The following CSMD1 variants were observed in gnomAD, a reference collection of about 807,000 sequenced individuals.
The protein encoded by CSMD1 is CUB and Sushi multiple domains 1.
Under a neutral mutation model 417.5 loss-of-function variants are expected in CSMD1, and 213 were observed. The observed-to-expected ratio is 0.51, with a 90% CI of 0.46 to 0.57. The LOEUF (loss-of-function observed/expected upper bound fraction) is 0.57, where lower values mean the gene tolerates loss of function less well. Among genes scored for constraint, CSMD1 ranks in the 20% least tolerant of loss-of-function variants. The pLI is 0.00. For missense variants in CSMD1, 6,923 were observed against 4,529.7 expected (o/e 1.53, Z -15.17); for synonymous variants, 2,862 against 1,736.8 (o/e 1.65, Z -16.11).
rs540895253 is a variant in CSMD1, at chr8:4,716,077, G to A, written c.86-78519C>T. Among the ~76,000 whole-genome samples, 17 of 152,326 alleles carry A rather than the reference G, an allele frequency of 1.1e-4. No homozygotes were observed. The East Asian group carries it at 3.3e-3, about 29-fold the overall frequency. On this transcript the variant is annotated intron_variant, in intron 1 of 69. Coordinates refer to ENST00000635120, the MANE Select transcript of CSMD1 (RefSeq NM_033225.6). ...AGCTGACAGAGAAGCTGCTGTTAGAGCTGGGTTGGGGGCAGGGACTCTTAG... is the reference window on the plus strand; with the variant it reads ...AGCTGACAGAGAAGCTGCTGTTAGAACTGGGTTGGGGGCAGGGACTCTTAG...
In CSMD1 at chr8:4,401,608, G is replaced by C. The variant is rs185944304; in HGVS notation, c.415+18345C>G. 1.3e-4 allele frequency among the ~76,000 whole-genome samples: 20 copies of C among 151,940 alleles called. No homozygotes were observed. The East Asian group carries it at 3.9e-3, about 30-fold the overall frequency. ...TCATGTCCTCCATCCCTGTCACCTC[G>C]GTCACCACAAGAATCCCGGATTCTG... On this transcript the variant is annotated intron_variant, in intron 3 of 69. Coordinates refer to ENST00000635120, the MANE Select transcript of CSMD1 (RefSeq NM_033225.6).
At chr8:4,722,567 G>A (rs1422180073) in intron 1 of CSMD1, among the ~76,000 whole-genome samples, 1 of 152,096 alleles carries the variant, frequency 6.6e-6, no homozygotes, top group Admixed American at 6.6e-5. Context: ...GCATCAGATA[G>A]TTAGGAATGT....
intron 1 of CSMD1, among the ~76,000 whole-genome samples, chr8:4,838,661 T>C (rs1403927414): frequency 6.6e-6 from 1 of 152,128 alleles, no homozygotes; most frequent in Non-Finnish European, 1.5e-5. Flanking sequence ...GACGCGGAGG[T>C]GGGATGAGAA....
chr8:4,834,625 G>C (rs897333987), intron 1 of CSMD1, among the ~76,000 whole-genome samples: 2 of 151,920 alleles, frequency 1.3e-5, no homozygotes, highest in Non-Finnish European at 2.9e-5. Flanking sequence ...GAATGGCAGA[G>C]GAAGTAGCTA....
At chr8:4,557,923 T>C (rs1359159415) in intron 2 of CSMD1, among the ~76,000 whole-genome samples, 1 of 152,188 alleles carries the variant, frequency 6.6e-6, no homozygotes, top group African/African-American at 2.4e-5. Flanking sequence ...TTTCATCATA[T>C]CTTAGGCTAT....
At chr8:3,447,701 G>A (rs891647120) in intron 12 of CSMD1, among the ~76,000 whole-genome samples, 3 of 152,190 alleles carry the variant, frequency 2.0e-5, no homozygotes, top group African/African-American at 7.2e-5. Context: ...CTTCCTGGGG[G>A]TTTGCTTCAG....
rs563322689 is a variant in CSMD1, at chr8:4,846,323, A to G, written c.85+148009T>C. The stretch of plus-strand genomic sequence containing the variant: ...TATACCTTACTATCTAACAGCCTGT[A>G]AGGAGATGTGTGCATATGGGTTTAT... On this transcript the variant is annotated intron_variant, in intron 1 of 69. Coordinates refer to ENST00000635120, the MANE Select transcript of CSMD1 (RefSeq NM_033225.6). Among the ~76,000 whole-genome samples, 5 of 152,322 alleles carry G rather than the reference A, an allele frequency of 3.3e-5. No homozygotes were observed. The East Asian group carries it at 7.7e-4, about 24-fold the overall frequency.
At chr8:3,863,395 CAAAA>C (rs35446566) in intron 5 of CSMD1, among the ~76,000 whole-genome samples, 1,462 of 90,298 alleles carry the variant, frequency 0.016, 22 homozygotes, top group African/African-American at 0.049. Context: ...ATACTCTGCT[CAAAA>C]AAAAAAAAAA....
intron 8 of CSMD1, among the ~76,000 whole-genome samples, chr8:3,597,991 G>T (rs995774355): frequency 6.6e-6 from 1 of 152,094 alleles, no homozygotes; most frequent in Admixed American, 6.6e-5. Context: ...ATATTAAAAA[G>T]TTTTTCTTTG....
intron 5 of CSMD1, among the ~76,000 whole-genome samples, chr8:3,943,312 G>A (rs1422864703): frequency 6.7e-6 from 1 of 148,534 alleles, no homozygotes; most frequent in Non-Finnish European, 1.5e-5. Context: ...GACAACTGCA[G>A]AACTAGAAGA....
intron 2 of CSMD1, among the ~76,000 whole-genome samples, chr8:4,543,949 T>G (rs1174691811): frequency 6.6e-6 from 1 of 152,180 alleles, no homozygotes; most frequent in Non-Finnish European, 1.5e-5. Flanking sequence ...AGGTGTCTGT[T>G]AAGGTCTTTA....
chr8:3,416,664 G>A (rs1284593721), intron 12 of CSMD1, among the ~76,000 whole-genome samples: 1 of 152,154 alleles, frequency 6.6e-6, no homozygotes, highest in Non-Finnish European at 1.5e-5. Flanking sequence ...TTTAGATTCT[G>A]CTGTGGCCAC....
At chr8:4,548,984 A>AT (rs1167041556) in intron 2 of CSMD1, among the ~76,000 whole-genome samples, 2 of 152,126 alleles carry the variant, frequency 1.3e-5, no homozygotes, top group Non-Finnish European at 2.9e-5. Flanking sequence ...ACGCAATTGT[A>AT]TTTTTTTATT....
chr8:3,582,552 A>G lies in CSMD1; in HGVS notation c.1222+3584T>C, dbSNP rs1010201203. Among the ~76,000 whole-genome samples the G allele has an allele frequency of 4.6e-5, 7 of 152,200 alleles. No individual in the cohort carries two copies. In the South Asian group the frequency reaches 6.2e-4, roughly 14 times the overall value. On this transcript the variant is annotated intron_variant, in intron 9 of 69. Transcript: ENST00000635120. ...GTTTTTCATAGTGAGGAAGAAAATC[A>G]TAACTGTAAATGTCTAAACTTGCGC...
At chr8:4,086,207 G>A (rs549872621) in intron 3 of CSMD1, among the ~76,000 whole-genome samples, 2 of 152,070 alleles carry the variant, frequency 1.3e-5, no homozygotes, top group South Asian at 2.1e-4. Context: ...CAGCTACAAA[G>A]TATCACATCA....
chr8:3,687,718 G>T (rs1237035134), intron 7 of CSMD1, among the ~76,000 whole-genome samples: 1 of 152,180 alleles, frequency 6.6e-6, no homozygotes, highest in East Asian at 1.9e-4. Flanking sequence ...GTGGCCTTTG[G>T]AAGCACGCTG....
intron 3 of CSMD1, among the ~76,000 whole-genome samples, chr8:4,419,549 A>C (rs1032869348): frequency 6.6e-6 from 1 of 152,186 alleles, no homozygotes; most frequent in African/African-American, 2.4e-5. Flanking sequence ...TGACAACAAA[A>C]GTTCATTTAA....
At chr8:4,861,853 G>C (rs1356355984) in intron 1 of CSMD1, among the ~76,000 whole-genome samples, 2 of 152,046 alleles carry the variant, frequency 1.3e-5, no homozygotes, top group South Asian at 2.1e-4. Flanking sequence ...AGAAACAATG[G>C]TTAGTTCTCA....
intron 5 of CSMD1, among the ~76,000 whole-genome samples, chr8:3,792,784 A>T (rs1350430801): frequency 6.6e-6 from 1 of 152,204 alleles, no homozygotes; most frequent in Admixed American, 6.5e-5. Flanking sequence ...TCTCTCTCAC[A>T]ATTTAAGGCA....
Sources: gnomAD v4.1 joint callset for allele counts (sites outside exome capture counted in the v4.1 genomes callset) on GRCh38, gnomAD v4.1.1 for gene constraint, MANE v1.5 for transcripts, NCBI Gene and HGNC (gene_info 2026-07-23, HGNC 2026-07-21) for gene names.